The following GOLGA1 variants were observed in gnomAD, a reference collection of about 807,000 sequenced individuals.
GOLGA1 encodes the protein golgin A1, also known as golgin subfamily A member 1.
In GOLGA1, 63 loss-of-function variants were observed where a neutral mutation model predicts 119.7. That is an observed-to-expected ratio of 0.53 (90% CI 0.43 to 0.65). The LOEUF is 0.65. Ranked by LOEUF, GOLGA1 falls within the 30% of genes least tolerant of loss-of-function variation. The probability of loss-of-function intolerance (pLI) is 0.00; values close to 1 mark genes in which losing one functional copy is unlikely to be tolerated. For synonymous variants in GOLGA1, 318 were observed against 333.4 expected (o/e 0.95, Z 0.50); for missense variants, 798 against 912.8 (o/e 0.87, Z 1.62).
intron 11 of GOLGA1, among the ~76,000 whole-genome samples, chr9:124,910,451 T>G (rs1272265349): frequency 6.6e-6 from 1 of 152,204 alleles, no homozygotes. Context: ...ATAATAATAT[T>G]GATCATGTTT....
chr9:124,916,342 A>G (rs1032017674), intron 10 of GOLGA1, among the ~76,000 whole-genome samples: 2 of 151,992 alleles, frequency 1.3e-5, no homozygotes, highest in African/African-American at 4.8e-5. Context: ...TTAAAGTAAA[A>G]TTTTGTTTCC....
chr9:124,918,208 A>G (rs1444390985), intron 10 of GOLGA1, among the ~76,000 whole-genome samples: 2 of 152,016 alleles, frequency 1.3e-5, no homozygotes, highest in African/African-American at 2.4e-5. Context: ...CTTTCAGAAC[A>G]CTCATCACGG....
intron 7 of GOLGA1, among the ~76,000 whole-genome samples, chr9:124,925,496 A>C (rs1394437498): frequency 1.3e-5 from 2 of 151,946 alleles, no homozygotes; most frequent in African/African-American, 4.8e-5. Flanking sequence ...CAGGAGGATC[A>C]CTTTGGTCTA....
intron 16 of GOLGA1, among the ~76,000 whole-genome samples, chr9:124,890,125 C>T (rs567275838): frequency 1.3e-5 from 2 of 152,302 alleles, no homozygotes; most frequent in African/African-American, 4.8e-5. Context: ...CCCACTAGGC[C>T]CGTGGACATG....
intron 11 of GOLGA1, among the ~76,000 whole-genome samples, chr9:124,911,590 G>C (rs1198026885): frequency 6.6e-6 from 1 of 152,256 alleles, no homozygotes; most frequent in Non-Finnish European, 1.5e-5. Flanking sequence ...AAATGGTGGG[G>C]AAGAGGGCAG....
rs1277045388 is a variant in GOLGA1, at chr9:124,881,516, C to CCCGGCTT, written c.2136+261_2137-260dup. ...CCAGGAGCGATGGGTGGATTCCGTTCCCGGCTTCCGGCCTCTGGCCTCAGC... is the reference window on the plus strand; with the variant it reads ...CCAGGAGCGATGGGTGGATTCCGTTCCCGGCTTCCGGCTTCCGGCCTCTGGCCTCAGC... On this transcript the variant is annotated intron_variant, in intron 21 of 22. Transcript: ENST00000373555. This position sits in a 1 kb window ranked among gnomAD's most constrained non-coding sequence, Gnocchi z 4.9. Among the ~76,000 whole-genome samples, 3 of 152,228 alleles carry CCCGGCTT rather than the reference C, an allele frequency of 2.0e-5. No individual in the cohort carries two copies. Among genetic ancestry groups the CCCGGCTT allele is most frequent in the South Asian group, 4.1e-4 (2 of 4,830 alleles).
chr9:124,925,707 C>G (rs1830659532), intron 7 of GOLGA1, among the ~76,000 whole-genome samples: 1 of 152,042 alleles, frequency 6.6e-6, no homozygotes, highest in African/African-American at 2.4e-5. Flanking sequence ...AGAACAACCC[C>G]TTGTCTCAAA....
At chr9:124,938,946 C>A in intron 2 of GOLGA1, 80 bp from the exon 3 acceptor site, 1 of 422,436 alleles carries the variant, frequency 2.4e-6, no homozygotes. Flanking sequence ...TTTTAGATTT[C>A]AAAACTAAGT....
intron 18 of GOLGA1, 58 bp downstream of exon 18, chr9:124,889,085 T>C (rs941906502): frequency 1.4e-6 from 2 of 1,422,520 alleles, no homozygotes; most frequent in African/African-American, 1.4e-5. Flanking sequence ...TTAGGGGCAC[T>C]CTCGGCACCT....
At chr9:124,894,925 A>G (rs1017217861) in intron 15 of GOLGA1, among the ~76,000 whole-genome samples, 2 of 152,132 alleles carry the variant, frequency 1.3e-5, no homozygotes, top group Non-Finnish European at 2.9e-5. Flanking sequence ...AACCATCCAC[A>G]ACAGAGACCC....
At chr9:124,936,073 C>T (rs35892575) in intron 3 of GOLGA1, among the ~76,000 whole-genome samples, 2 of 152,124 alleles carry the variant, frequency 1.3e-5, no homozygotes, top group Non-Finnish European at 2.9e-5. Flanking sequence ...AAATTACTTC[C>T]TGAATCTGGG....
upstream of GOLGA1, chr9:124,943,876 G>A (rs1178425014): frequency 6.6e-6 from 1 of 152,240 alleles, no homozygotes; most frequent in African/African-American, 2.4e-5. Flanking sequence ...TTAGCACAAA[G>A]TAAAAAGTGA....
intron 10 of GOLGA1, among the ~76,000 whole-genome samples, chr9:124,913,283 AT>A (rs1262244624): frequency 1.3e-5 from 2 of 152,154 alleles, no homozygotes; most frequent in African/African-American, 4.8e-5. Context: ...GAGCCTAACC[AT>A]ATCACTGCTC....
intron 10 of GOLGA1, among the ~76,000 whole-genome samples, chr9:124,914,222 G>T (rs568971481): frequency 8.5e-5 from 13 of 152,322 alleles, no homozygotes; most frequent in African/African-American, 3.1e-4. Context: ...TGTAGGCTGG[G>T]CGTGGTGGCT....
In GOLGA1 at chr9:124,893,888, T is replaced by G. The variant is rs190808258; in HGVS notation, c.1408-3410A>C. Among the ~76,000 whole-genome samples, 61 of 152,312 alleles carry G rather than the reference T, an allele frequency of 4.0e-4. 1 individual carries two copies. In the East Asian group the frequency reaches 0.01, roughly 26 times the overall value. On this transcript the variant is annotated intron_variant, in intron 15 of 22. Coordinates refer to ENST00000373555, the MANE Select transcript of GOLGA1 (RefSeq NM_002077.4). ...TAGGCTCCTACAAGCAGATGTTCTC[T>G]TATTTTGGCCAGTTTTTCTGGGAGT...
intron 15 of GOLGA1, among the ~76,000 whole-genome samples, chr9:124,891,067 G>C (rs1829844541): frequency 6.6e-6 from 1 of 152,190 alleles, no homozygotes; most frequent in South Asian, 2.1e-4. Flanking sequence ...GAGGCGAGAG[G>C]ATTGCTTGTG....
intron 7 of GOLGA1, among the ~76,000 whole-genome samples, chr9:124,924,562 G>A (rs1367909263): frequency 6.7e-6 from 1 of 150,232 alleles, no homozygotes; most frequent in Non-Finnish European, 1.5e-5. Context: ...AGCCTGAGAA[G>A]TCGAGGCTGC....
intron 3 of GOLGA1, among the ~76,000 whole-genome samples, chr9:124,933,941 C>T (rs1198483202): frequency 6.6e-6 from 1 of 152,186 alleles, no homozygotes. Context: ...TGCACCTTTT[C>T]CCTTTGCTGA....
chr9:124,908,278 G>C, intron 12 of GOLGA1, 99 bp downstream of exon 12: 3 of 744,172 alleles, frequency 4.0e-6, no homozygotes, highest in Non-Finnish European at 7.4e-6. Flanking sequence ...ATCCCTTCTA[G>C]TGAAAAAACT....
Sources: gnomAD v4.1 joint callset for allele counts (sites outside exome capture counted in the v4.1 genomes callset) on GRCh38, gnomAD v4.1.1 for gene constraint, Gnocchi (gnomAD v3.1) non-coding constraint, MANE v1.5 for transcripts, NCBI Gene and HGNC (gene_info 2026-07-23, HGNC 2026-07-21) for gene names.